Variants in ADAMTS3 observed in about 807,000 individuals in gnomAD.
ADAMTS3 encodes the protein ADAM metallopeptidase with thrombospondin type 1 motif 3, also known as A disintegrin and metalloproteinase with thrombospondin motifs 3.
A neutral mutation model predicts 129.0 loss-of-function variants in ADAMTS3; 73 were observed. The observed-to-expected ratio is 0.57, with a 90% CI of 0.47 to 0.69. The LOEUF (loss-of-function observed/expected upper bound fraction) is 0.69, where lower values mean the gene tolerates loss of function less well. ADAMTS3 is among the 30% of genes least tolerant of loss of function. ADAMTS3 has a pLI of 0.00. For missense variants in ADAMTS3, 1,457 were observed against 1,514.5 expected, an observed-to-expected ratio of 0.96 and a Z score of 0.63; for synonymous variants, 477 against 510.8, an observed-to-expected ratio of 0.93 and a Z score of 0.89.
chr4:72,363,337 T>C (rs1055022852), intron 4 of ADAMTS3, among the ~76,000 whole-genome samples: 2 of 152,006 alleles, frequency 1.3e-5, no homozygotes, highest in African/African-American at 2.4e-5. Context: ...ATAAAGGGTA[T>C]AAAGAAAATG....
chr4:72,557,025 A>T (rs1333923221), intron 2 of ADAMTS3, among the ~76,000 whole-genome samples: 1 of 151,716 alleles, frequency 6.6e-6, no homozygotes, highest in Non-Finnish European at 1.5e-5. Flanking sequence ...CCATTACCCA[A>T]TCTAAAAGAC....
intron 3 of ADAMTS3, among the ~76,000 whole-genome samples, chr4:72,457,373 G>T (rs1052232520): frequency 1.3e-5 from 2 of 151,670 alleles, no homozygotes; most frequent in African/African-American, 4.8e-5. Flanking sequence ...AAGAGGTTTG[G>T]AATATTCAGT....
intron 3 of ADAMTS3, among the ~76,000 whole-genome samples, chr4:72,421,897 T>C (rs920171457): frequency 1.3e-5 from 2 of 152,110 alleles, no homozygotes; most frequent in African/African-American, 4.8e-5. Context: ...AGGAAAAAAA[T>C]CACCAGTACT....
At chr4:72,334,926 A>G (rs564653961) in intron 5 of ADAMTS3, among the ~76,000 whole-genome samples, 1 of 152,320 alleles carries the variant, frequency 6.6e-6, no homozygotes, top group East Asian at 1.9e-4. Flanking sequence ...GGTTAAAAAA[A>G]GCAGATGAAA....
chr4:72,507,557 T>C (rs981778429), intron 3 of ADAMTS3, among the ~76,000 whole-genome samples: 3 of 152,218 alleles, frequency 2.0e-5, no homozygotes, highest in African/African-American at 7.2e-5. Context: ...ATGTTTCTAG[T>C]ATATTTCATT....
At chr4:72,485,600 C>T (rs748960726) in intron 3 of ADAMTS3, among the ~76,000 whole-genome samples, 10 of 152,138 alleles carry the variant, frequency 6.6e-5, no homozygotes, top group Admixed American at 1.3e-4. Context: ...TCCTAACTTC[C>T]TATTTTTTAA....
intron 10 of ADAMTS3, among the ~76,000 whole-genome samples, chr4:72,316,756 A>G (rs76510504): frequency 0.058 from 8,862 of 151,890 alleles, 881 homozygotes; most frequent in African/African-American, 0.2. Flanking sequence ...GCAGAAAAAA[A>G]TTGTCAAACT....
chr4:72,355,394 A>G (rs930543415), intron 4 of ADAMTS3, among the ~76,000 whole-genome samples: 7 of 151,950 alleles, frequency 4.6e-5, no homozygotes, highest in Non-Finnish European at 5.9e-5. Flanking sequence ...CATGTATTAC[A>G]TTTTTCCTCT....
At chr4:72,307,268 C>T (rs1413708036) in intron 15 of ADAMTS3, among the ~76,000 whole-genome samples, 2 of 151,934 alleles carry the variant, frequency 1.3e-5, no homozygotes, top group Non-Finnish European at 2.9e-5. Flanking sequence ...AGCACTTTAG[C>T]CTGGGGTAAA....
intron 4 of ADAMTS3, among the ~76,000 whole-genome samples, chr4:72,351,326 T>C (rs1006571159): frequency 2.0e-5 from 3 of 151,930 alleles, no homozygotes; most frequent in Non-Finnish European, 2.9e-5. Flanking sequence ...GTAACATGCC[T>C]TAAAATTTCA....
At chr4:72,357,222 T>C (rs77346090) in intron 4 of ADAMTS3, among the ~76,000 whole-genome samples, 2 of 151,928 alleles carry the variant, frequency 1.3e-5, no homozygotes, top group African/African-American at 4.8e-5. Flanking sequence ...GCAATGGAAG[T>C]TGAAATATGT....
At chr4:72,491,768 A>G (rs1719751704) in intron 3 of ADAMTS3, among the ~76,000 whole-genome samples, 1 of 151,724 alleles carries the variant, frequency 6.6e-6, no homozygotes, top group Admixed American at 6.6e-5. Flanking sequence ...AGTAGCAGGG[A>G]GATGCTGGCC....
At chr4:72,565,225 C>A (rs887192962) in intron 2 of ADAMTS3, among the ~76,000 whole-genome samples, 13 of 151,922 alleles carry the variant, frequency 8.6e-5, no homozygotes, top group African/African-American at 3.1e-4. Context: ...TTATTCAGGG[C>A]CATGAAATTT....
intron 3 of ADAMTS3, among the ~76,000 whole-genome samples, chr4:72,452,070 C>A (rs1331965866): frequency 1.3e-5 from 2 of 151,692 alleles, no homozygotes; most frequent in Admixed American, 1.3e-4. Context: ...TGCACTCCAG[C>A]CTGAGTGAGA....
chr4:72,455,847 AT>A (rs1157603856), intron 3 of ADAMTS3, among the ~76,000 whole-genome samples: 3 of 125,196 alleles, frequency 2.4e-5, no homozygotes, highest in East Asian at 4.5e-4. Context: ...TATATACTAT[AT>A]ATTTTATATA....
chr4:72,476,677 G>T (rs889660978), intron 3 of ADAMTS3, among the ~76,000 whole-genome samples: 3 of 152,048 alleles, frequency 2.0e-5, no homozygotes, highest in African/African-American at 7.2e-5. Context: ...GAAGAAGGGA[G>T]GGTGATGAAA....
At chr4:72,534,466 T>C (rs900594394) in intron 3 of ADAMTS3, among the ~76,000 whole-genome samples, 2 of 152,222 alleles carry the variant, frequency 1.3e-5, no homozygotes, top group African/African-American at 2.4e-5. Context: ...ATGAATGTCA[T>C]TGTTTCATAA....
chr4:72,327,971 TAAGAA>T (rs1424934617), intron 5 of ADAMTS3, among the ~76,000 whole-genome samples: 1 of 152,058 alleles, frequency 6.6e-6, no homozygotes, highest in African/African-American at 2.4e-5. Flanking sequence ...AAAAATTAAA[TAAGAA>T]AAGAAATAAA....
rs572043928 is a variant in ADAMTS3, at chr4:72,523,231, G to A, written c.504+25247C>T. Reference sequence around the variant, plus strand: ...AAACTTTCAATGTCCAGTAAATTTCGAACCAATAATTTCCTTAAACTTTTA... The same window carrying A: ...AAACTTTCAATGTCCAGTAAATTTCAAACCAATAATTTCCTTAAACTTTTA... On this transcript the variant is annotated intron_variant, in intron 3 of 21. Transcript: ENST00000286657. Among the ~76,000 whole-genome samples the A allele has an allele frequency of 6.6e-5, 10 of 152,026 alleles. No homozygotes were observed. The South Asian group carries it at 8.3e-4, about 13-fold the overall frequency.
Sources: allele counts gnomAD v4.1 joint callset (sites outside exome capture counted in the v4.1 genomes callset), GRCh38; gene constraint gnomAD v4.1.1; transcripts MANE v1.5; gene names NCBI Gene and HGNC (gene_info 2026-07-23, HGNC 2026-07-21).